The following NKAIN3 variants were observed in gnomAD, a reference collection of about 807,000 sequenced individuals.
The protein encoded by NKAIN3 is sodium/potassium transporting ATPase interacting 3.
A neutral mutation model predicts 30.2 loss-of-function variants in NKAIN3; 25 were observed. The ratio of observed to expected loss-of-function variants is 0.83; its 90% confidence interval spans 0.60 to 1.16. The LOEUF is 1.16. NKAIN3 is among the 50% of genes most tolerant of loss of function. The probability of loss-of-function intolerance (pLI) is 0.00; values close to 1 mark genes in which losing one functional copy is unlikely to be tolerated. For missense variants in NKAIN3, 225 were observed against 254.1 expected, an observed-to-expected ratio of 0.89 and a Z score of 0.78; for synonymous variants, 91 against 89.6, an observed-to-expected ratio of 1.02 and a Z score of -0.09.
At chr8:62,950,989 A>G (rs1585614442) in intron 5 of NKAIN3, among the ~76,000 whole-genome samples, 1 of 100,772 alleles carries the variant, frequency 9.9e-6, no homozygotes, top group South Asian at 3.1e-4. Flanking sequence ...TTTTAACTGT[A>G]TGGTTAAATC....
chr8:62,285,899 T>C (rs1813365654), intron 1 of NKAIN3, among the ~76,000 whole-genome samples: 1 of 152,210 alleles, frequency 6.6e-6, no homozygotes, highest in Non-Finnish European at 1.5e-5. Flanking sequence ...GATGCAGCTA[T>C]TCTAGACAAT....
At chr8:62,702,601 T>C (rs1028593299) in intron 3 of NKAIN3, among the ~76,000 whole-genome samples, 1 of 152,178 alleles carries the variant, frequency 6.6e-6, no homozygotes, top group African/African-American at 2.4e-5. Flanking sequence ...TTATGTGGTT[T>C]TCTAGATGGT....
chr8:62,527,916 T>TGTGTGA (rs1430253083), intron 1 of NKAIN3, among the ~76,000 whole-genome samples: 1 of 145,642 alleles, frequency 6.9e-6, no homozygotes, highest in African/African-American at 2.6e-5. Context: ...TGTGTGTGTG[T>TGTGTGA]GACAGAGAGA....
At chr8:62,343,580 C>A (rs1034036430) in intron 1 of NKAIN3, among the ~76,000 whole-genome samples, 3 of 152,060 alleles carry the variant, frequency 2.0e-5, no homozygotes, top group Admixed American at 1.3e-4. Flanking sequence ...GAGGCTAAGG[C>A]AGGAGGATTC....
At chr8:62,744,671 C>A (rs1157717491) in intron 3 of NKAIN3, among the ~76,000 whole-genome samples, 2 of 152,150 alleles carry the variant, frequency 1.3e-5, no homozygotes, top group East Asian at 1.9e-4. Context: ...AAAAAGGGAG[C>A]AATCAGTGTG....
chr8:62,801,834 A>T (rs1321596610), intron 4 of NKAIN3, among the ~76,000 whole-genome samples: 1 of 152,248 alleles, frequency 6.6e-6, no homozygotes, highest in African/African-American at 2.4e-5. Context: ...TTACAGGAGG[A>T]AATTCAAACC....
At chr8:62,615,708 G>A (rs1180028567) in intron 3 of NKAIN3, among the ~76,000 whole-genome samples, 1 of 152,112 alleles carries the variant, frequency 6.6e-6, no homozygotes, top group Non-Finnish European at 1.5e-5. Flanking sequence ...TTCATGGGCA[G>A]GCATCAGCTG....
intron 6 of NKAIN3, among the ~76,000 whole-genome samples, chr8:62,956,250 C>T (rs951974487): frequency 3.9e-5 from 6 of 152,098 alleles, no homozygotes; most frequent in Non-Finnish European, 7.4e-5. Flanking sequence ...ACCTTCTGTG[C>T]GAAATTGTTA....
At chr8:62,597,425 T>C (rs1810867126) in intron 3 of NKAIN3, among the ~76,000 whole-genome samples, 1 of 152,098 alleles carries the variant, frequency 6.6e-6, no homozygotes, top group African/African-American at 2.4e-5. Context: ...AATTTTTTTA[T>C]TTCTTCAAAG....
chr8:62,652,426 C>A (rs1812650618), intron 3 of NKAIN3, among the ~76,000 whole-genome samples: 1 of 152,160 alleles, frequency 6.6e-6, no homozygotes, highest in Non-Finnish European at 1.5e-5. Context: ...TTGGCTGAAG[C>A]ACTGCCAGAC....
At position 62,872,499 on chromosome 8, in the gene NKAIN3, G is replaced by A. The variant is rs532129176; in HGVS notation, c.472-45954G>A. Among the ~76,000 whole-genome samples, 15 of 152,352 alleles carry A rather than the reference G, an allele frequency of 9.8e-5. No individual in the cohort carries two copies. The South Asian group carries it at 2.9e-3, about 29-fold the overall frequency. ...CAGCAGCACAGCTGAAAGTGCAAAT[G>A]CAGGAGCATCCAACTGGACTCTCAC... On this transcript the variant is annotated intron_variant, in intron 4 of 6. Transcript: ENST00000623646.
At chr8:62,378,749 T>G (rs1048959085) in intron 1 of NKAIN3, among the ~76,000 whole-genome samples, 1 of 152,180 alleles carries the variant, frequency 6.6e-6, no homozygotes, top group African/African-American at 2.4e-5. Flanking sequence ...TGGAAATGCG[T>G]GGATATCCAG....
At chr8:62,699,464 AT>A (rs2130463782) in intron 3 of NKAIN3, among the ~76,000 whole-genome samples, 1 of 152,328 alleles carries the variant, frequency 6.6e-6, no homozygotes, top group Admixed American at 6.5e-5. Context: ...TGAAAATCTG[AT>A]TACATGATTG....
At chr8:62,703,388 G>A (rs900154663) in intron 3 of NKAIN3, among the ~76,000 whole-genome samples, 1 of 151,838 alleles carries the variant, frequency 6.6e-6, no homozygotes, top group African/African-American at 2.4e-5. Context: ...TTAAAGCTAG[G>A]CTTCTACATA....
intron 1 of NKAIN3, among the ~76,000 whole-genome samples, chr8:62,411,506 G>T (rs1246119314): frequency 1.3e-5 from 2 of 152,088 alleles, no homozygotes; most frequent in Non-Finnish European, 2.9e-5. Flanking sequence ...AGAAAAAGAT[G>T]CCCACTCTCA....
At chr8:62,533,609 C>T (rs1406977567) in intron 1 of NKAIN3, among the ~76,000 whole-genome samples, 3 of 152,148 alleles carry the variant, frequency 2.0e-5, no homozygotes, top group African/African-American at 7.2e-5. Context: ...AAAGATTTCC[C>T]CTTTTTTCTG....
At chr8:62,896,606 G>A (rs1306560858) in intron 4 of NKAIN3, among the ~76,000 whole-genome samples, 7 of 152,124 alleles carry the variant, frequency 4.6e-5, no homozygotes, top group Non-Finnish European at 1.0e-4. Context: ...CTAATGTCAA[G>A]GTGTAACTTG....
intron 1 of NKAIN3, among the ~76,000 whole-genome samples, chr8:62,289,116 A>G (rs185666520): frequency 5.9e-5 from 9 of 152,100 alleles, no homozygotes; most frequent in Non-Finnish European, 1.2e-4. Context: ...AAATTTGTTT[A>G]AGTTCTTTGT....
downstream of NKAIN3, among the ~76,000 whole-genome samples, chr8:62,989,697 A>AT (rs1477208710): frequency 2.6e-5 from 4 of 152,192 alleles, no homozygotes; most frequent in Admixed American, 6.5e-5. Flanking sequence ...TCGAAAAAAC[A>AT]TTTTTTAATA....
Sources: allele counts gnomAD v4.1 joint callset (sites outside exome capture counted in the v4.1 genomes callset), GRCh38; gene constraint gnomAD v4.1.1; transcripts MANE v1.5; gene names NCBI Gene and HGNC (gene_info 2026-07-23, HGNC 2026-07-21).